AK5: variants seen among roughly 807,000 people sequenced by gnomAD.
The protein encoded by AK5 is adenylate kinase isoenzyme 5.
Under a neutral mutation model 69.5 loss-of-function variants are expected in AK5, and 27 were observed. That is an observed-to-expected ratio of 0.39 (90% CI 0.29 to 0.54). The LOEUF (loss-of-function observed/expected upper bound fraction) is 0.54. Ranked by LOEUF, AK5 falls within the 20% of genes least tolerant of loss-of-function variation. The pLI, the probability that AK5 is intolerant of heterozygous loss-of-function variation, is 0.71. For synonymous variants in AK5, 260 were observed against 244.4 expected (o/e 1.06, Z -0.60); for missense variants, 531 against 700.4 (o/e 0.76, Z 2.73).
At chr1:77,531,035 G>C (rs1658543001) in intron 12 of AK5, among the ~76,000 whole-genome samples, 1 of 152,164 alleles carries the variant, frequency 6.6e-6, no homozygotes, top group Non-Finnish European at 1.5e-5. Flanking sequence ...GAAATGGTGG[G>C]TTCTTGGTCT....
chr1:77,329,125 C>T (rs949643303), intron 5 of AK5, among the ~76,000 whole-genome samples: 38 of 149,560 alleles, frequency 2.5e-4, no homozygotes, highest in African/African-American at 7.9e-4. Flanking sequence ...ACAGATGGAG[C>T]GCAGCTTTTC....
intron 5 of AK5, among the ~76,000 whole-genome samples, chr1:77,337,070 T>A (rs1315537568): frequency 1.3e-5 from 2 of 152,160 alleles, no homozygotes; most frequent in South Asian, 2.1e-4. Context: ...TGTATTCCAC[T>A]CAATTTTTCT....
chr1:77,445,836 C>T (rs771790481), intron 8 of AK5, among the ~76,000 whole-genome samples: 3 of 152,164 alleles, frequency 2.0e-5, no homozygotes, highest in African/African-American at 7.2e-5. Flanking sequence ...CCACCTTCCT[C>T]GGCCTCCCTA....
At chr1:77,429,651 G>C (rs1453906776) in intron 8 of AK5, among the ~76,000 whole-genome samples, 1 of 149,904 alleles carries the variant, frequency 6.7e-6, no homozygotes, top group Non-Finnish European at 1.5e-5. Context: ...TGGTTGGTGA[G>C]GTGAGGAAAG....
At chr1:77,499,644 T>C (rs2647510) in intron 10 of AK5, among the ~76,000 whole-genome samples, 149,004 of 152,156 alleles carry the variant, frequency 0.98, 73,026 homozygotes, top group East Asian at 1. Context: ...TGGGTGGAGC[T>C]GTTGAGGCAA....
intron 6 of AK5, among the ~76,000 whole-genome samples, chr1:77,346,735 C>A (rs1427222448): frequency 6.6e-6 from 1 of 152,078 alleles, no homozygotes; most frequent in African/African-American, 2.4e-5. Flanking sequence ...TGAGCTAAAG[C>A]AATCCACCCA....
chr1:77,338,894 T>A (rs2100377108), intron 5 of AK5, among the ~76,000 whole-genome samples: 1 of 152,332 alleles, frequency 6.6e-6, no homozygotes, highest in South Asian at 2.1e-4. Flanking sequence ...GTATCTCTAT[T>A]GACAGATAAG....
At position 77,486,205 on chromosome 1, in the gene AK5, A is replaced by G. The variant is rs1655575091; in HGVS notation, c.1103-103A>G. 8.3e-6 allele frequency: 6 copies of G among 725,702 alleles called. No homozygotes were observed. The East Asian group carries it at 1.5e-4, about 18-fold the overall frequency. The allele number at this position is 725,702 out of a possible 1,614,324, so 45.0% of individuals were successfully genotyped here. Reference sequence around the variant, plus strand: ...ACATTTATTCAACTTCAAGCTTTTTATCAAATAAAACTACAAGGTTTGGGT... The same window carrying G: ...ACATTTATTCAACTTCAAGCTTTTTGTCAAATAAAACTACAAGGTTTGGGT... On this transcript the variant is annotated intron_variant, in intron 9 of 13. Transcript: ENST00000354567.
At chr1:77,476,984 A>G (rs1377868286) in intron 8 of AK5, among the ~76,000 whole-genome samples, 3 of 145,556 alleles carry the variant, frequency 2.1e-5, no homozygotes, top group South Asian at 2.2e-4. Flanking sequence ...AGCCTGATCT[A>G]TTTTTGATTG....
rs67068877 is a variant in AK5, at chr1:77,423,230, AT to A, written c.1059+5516del. On this transcript the variant is annotated intron_variant, in intron 8 of 13. Transcript: ENST00000354567. ...AGCAAGACTCCGTCTAAAAAAAAAA[AT>A]AAAAAAAAAAGAAGAACTACTGTTG... 1.3e-3 allele frequency among the ~76,000 whole-genome samples: 172 copies of A among 130,186 alleles called. 4 individuals are homozygous for A. Among genetic ancestry groups the A allele is most frequent in the African/African-American group, 3.5e-3 (138 of 39,432 alleles). The allele number at this position is 130,186 out of a possible 152,430, so 85.4% of individuals were successfully genotyped here.
intron 6 of AK5, among the ~76,000 whole-genome samples, chr1:77,388,979 T>A (rs1027326650): frequency 8.5e-5 from 13 of 152,254 alleles, no homozygotes; most frequent in Non-Finnish European, 1.6e-4. Flanking sequence ...CAGAGCTAGC[T>A]CCGAAATGAG....
At chr1:77,400,513 G>A (rs1047954571) in intron 6 of AK5, among the ~76,000 whole-genome samples, 2 of 152,138 alleles carry the variant, frequency 1.3e-5, no homozygotes, top group Non-Finnish European at 1.5e-5. Flanking sequence ...GCGTTACCTG[G>A]TGCTCCTGTT....
intron 10 of AK5, among the ~76,000 whole-genome samples, chr1:77,508,234 C>T (rs999964612): frequency 6.6e-6 from 1 of 152,190 alleles, no homozygotes; most frequent in African/African-American, 2.4e-5. Flanking sequence ...TCTATTCATC[C>T]ATCAGTACAT....
At chr1:77,527,982 C>G (rs1008459010) in intron 12 of AK5, among the ~76,000 whole-genome samples, 3 of 152,188 alleles carry the variant, frequency 2.0e-5, no homozygotes, top group Non-Finnish European at 4.4e-5. Context: ...TCGCTTGAAC[C>G]CAGGAGGCAG....
intron 8 of AK5, among the ~76,000 whole-genome samples, chr1:77,470,533 T>A (rs1156710933): frequency 6.6e-6 from 1 of 151,742 alleles, no homozygotes; most frequent in Non-Finnish European, 1.5e-5. Flanking sequence ...TAACAACACA[T>A]CTCTTTACCA....
intron 6 of AK5, among the ~76,000 whole-genome samples, chr1:77,395,599 T>C (rs1269519050): frequency 6.6e-6 from 1 of 152,224 alleles, no homozygotes; most frequent in Non-Finnish European, 1.5e-5. Flanking sequence ...TCAGAGCCTG[T>C]GCTCACTTTG....
At chr1:77,294,708 A>T (rs1406141626) in intron 3 of AK5, among the ~76,000 whole-genome samples, 2 of 152,150 alleles carry the variant, frequency 1.3e-5, no homozygotes, top group Non-Finnish European at 2.9e-5. Context: ...TCTTATGTTA[A>T]ATATGGAATT....
At position 77,476,906 on chromosome 1, in the gene AK5, T is replaced by TAA. The variant is rs144510620; in HGVS notation, c.1060-6411_1060-6410insAA. ...ATGTGTGAGGTGTTTTGCTGTTTTT[T>TAA]TAAAAAAAAAAAACAGGTATAAGGA... On this transcript the variant is annotated intron_variant, in intron 8 of 13. Transcript: ENST00000354567. Among the ~76,000 whole-genome samples the TAA allele has an allele frequency of 6.1e-3, 910 of 148,576 alleles. 11 individuals carry two copies. The highest frequency in any genetic ancestry group is 0.018 in the African/African-American group (714 of 40,560).
intron 6 of AK5, among the ~76,000 whole-genome samples, chr1:77,377,622 C>T (rs1557543617): frequency 6.6e-6 from 1 of 152,224 alleles, no homozygotes; most frequent in East Asian, 1.9e-4. Flanking sequence ...CACTCAACTG[C>T]TTAAAATCCT....
Sources: allele counts gnomAD v4.1 joint callset (sites outside exome capture counted in the v4.1 genomes callset), GRCh38; gene constraint gnomAD v4.1.1; transcripts MANE v1.5; gene names NCBI Gene and HGNC (gene_info 2026-07-23, HGNC 2026-07-21).